Variants in NCOA3 observed in about 807,000 individuals in gnomAD.
NCOA3 encodes CBP-interacting protein.
Under a neutral mutation model 158.8 loss-of-function variants are expected in NCOA3, and 51 were observed. The observed-to-expected ratio is 0.32, with a 90% confidence interval of 0.26 to 0.41. NCOA3 has a LOEUF of 0.41. NCOA3 is among the 10% of genes least tolerant of loss of function. NCOA3 has a pLI of 1.00. For synonymous variants in NCOA3, 537 were observed against 592.4 expected (o/e 0.91, Z 1.36); for missense variants, 1,510 against 1,746.6 (o/e 0.86, Z 2.41).
At chr20:47,624,222 T>G (rs2086286218) in intron 4 of NCOA3, 139 bp downstream of exon 4, 2 of 639,828 alleles carry the variant, frequency 3.1e-6, no homozygotes, top group African/African-American at 3.7e-5. Flanking sequence ...ACATTACGTT[T>G]GTGGTGCATT....
At position 47,639,697 on chromosome 20, in the gene NCOA3, G is replaced by A. The variant is rs1602528330; in HGVS notation, c.2828G>A (p.Gly943Glu). The A allele has an allele frequency of 6.2e-7, 1 of 1,614,130 alleles. No individual in the cohort carries two copies. The highest frequency in any genetic ancestry group is 8.5e-7 in the Non-Finnish European group (1 of 1,180,012). ...TCAAACTCCATGGGAAGACCAGGAGGAGATTATAATACTTCTTTACCCAGA... is the reference window on the plus strand; with the variant it reads ...TCAAACTCCATGGGAAGACCAGGAGAAGATTATAATACTTCTTTACCCAGA... ...MNSNSMGRPG[G>E]DYNTSLPRPA... The change falls in exon 15 of 23, where the codon GGA (glycine) becomes GAA (glutamate). Residue 943 changes from glycine to glutamate, a missense_variant. By Grantham distance (98) the Gly-to-Glu change is moderately conservative. This residue lies in a region of NCOA3 where 1,017 missense variants were observed against 1,098.3 expected (regional missense o/e 0.93). Transcript: ENST00000371998.
intron 1 of NCOA3, among the ~76,000 whole-genome samples, chr20:47,540,404 C>T (rs2084703441): frequency 6.6e-6 from 1 of 151,946 alleles, no homozygotes; most frequent in African/African-American, 2.4e-5. Flanking sequence ...TGAAACCCCC[C>T]TCTACTAAAA....
chr20:47,546,548 TA>T (rs1487403588), intron 1 of NCOA3, among the ~76,000 whole-genome samples: 10 of 145,796 alleles, frequency 6.9e-5, no homozygotes, highest in Non-Finnish European at 1.2e-4. Flanking sequence ...TTTTTTTTTT[TA>T]AGACCGAATT....
chr20:47,621,497 C>G (rs1009659106), intron 2 of NCOA3, among the ~76,000 whole-genome samples: 1 of 151,898 alleles, frequency 6.6e-6, no homozygotes, highest in African/African-American at 2.4e-5. Flanking sequence ...CAACAGTGAT[C>G]GTCTTGTTTT....
rs544426722 is a variant in NCOA3, at chr20:47,538,821, G to A, written c.-99+36802G>A. On this transcript the variant is annotated intron_variant, in intron 1 of 22. Transcript: ENST00000371998. ...GGCCTCCCAAAGTGTTGGGATTTCA[G>A]GCGTAAGCCACTGTGCCCAGCCACT... is the stretch of plus-strand genomic sequence containing the variant. Among the ~76,000 whole-genome samples the A allele has an allele frequency of 5.9e-5, 9 of 152,334 alleles. No individual in the cohort carries two copies. The South Asian group carries it at 1.4e-3, about 25-fold the overall frequency.
At chr20:47,604,519 A>G (rs1372704205) in intron 2 of NCOA3, among the ~76,000 whole-genome samples, 1 of 152,196 alleles carries the variant, frequency 6.6e-6, no homozygotes, top group Non-Finnish European at 1.5e-5. Flanking sequence ...TATCTTTTCA[A>G]ATTATTTATA....
In NCOA3 at chr20:47,636,482, C is replaced by T; in HGVS notation, c.2096C>T (p.Ala699Val). The T allele has an allele frequency of 6.2e-7, 1 of 1,614,080 alleles. No individual in the cohort carries two copies. The highest frequency in any genetic ancestry group is 8.5e-7 in the Non-Finnish European group (1 of 1,180,028). ...AATGGGAATTCACCAGCTGAGGTAG[C>T]CAAGATTACTGCAGAAGCCACTGGG... ...LQNGNSPAEV[A>V]KITAEATGKD... Residue 699 changes from alanine to valine, a missense_variant, in exon 12 of 23, where the codon GCC (alanine) becomes GTC (valine). By Grantham distance (64) the Ala-to-Val change is moderately conservative. Transcript: ENST00000371998.
chr20:47,511,524 GATAT>G (rs34123990), intron 1 of NCOA3, among the ~76,000 whole-genome samples: 2,243 of 21,994 alleles, frequency 0.1, 182 homozygotes, highest in South Asian at 0.24. Context: ...TCTCTCTCGA[GATAT>G]ATATATATAT....
chr20:47,644,801 G>A (rs539195087), intron 17 of NCOA3, among the ~76,000 whole-genome samples: 1 of 151,626 alleles, frequency 6.6e-6, no homozygotes, highest in South Asian at 2.1e-4. Flanking sequence ...GTGTTCAAGC[G>A]ATTCTCCTGC....
chr20:47,639,534 C>CATTAT, intron 14 of NCOA3, 43 bp from the exon 15 acceptor site: 1 of 1,604,878 alleles, frequency 6.2e-7, no homozygotes. Flanking sequence ...AGAAGGATTT[C>CATTAT]ATTATAATAT....
At chr20:47,638,907 GA>G in intron 13 of NCOA3, 100 bp from the exon 14 acceptor site, 1 of 966,964 alleles carries the variant, frequency 1.0e-6, no homozygotes. Context: ...GTTTTTGTAA[GA>G]AAGACATTCT....
intron 1 of NCOA3, among the ~76,000 whole-genome samples, chr20:47,509,832 A>G (rs1243528904): frequency 1.3e-5 from 2 of 152,014 alleles, no homozygotes; most frequent in Admixed American, 6.6e-5. Context: ...TCTACTACAC[A>G]CTCTGTGTTC....
intron 17 of NCOA3, 98 bp downstream of exon 17, chr20:47,642,482 C>T: frequency 1.3e-6 from 1 of 747,382 alleles, no homozygotes; most frequent in Non-Finnish European, 1.9e-6. Context: ...GTGTGTGTCT[C>T]TCCTAGTACT....
chr20:47,580,626 C>G (rs943218704), intron 1 of NCOA3, among the ~76,000 whole-genome samples: 1 of 151,946 alleles, frequency 6.6e-6, no homozygotes, highest in African/African-American at 2.4e-5. Flanking sequence ...CTAACCCCAC[C>G]CCATGACCCT....
In NCOA3 at chr20:47,651,432, AT is replaced by A. The variant is rs563654076; in HGVS notation, c.3946+157del. Reference sequence around the variant, plus strand: ...TAATTTAAATGATTGGAAAACAAAAATGCTGCAGCACACAGGTAATTGAGAC... The same window carrying A: ...TAATTTAAATGATTGGAAAACAAAAAGCTGCAGCACACAGGTAATTGAGAC... On this transcript the variant is annotated intron_variant, in intron 20 of 22. Coordinates refer to ENST00000371998, the MANE Select transcript of NCOA3 (RefSeq NM_181659.3). Among the ~76,000 whole-genome samples, 11 of 152,318 alleles carry A rather than the reference AT, an allele frequency of 7.2e-5. No homozygotes were observed. The East Asian group carries it at 1.9e-3, about 27-fold the overall frequency.
chr20:47,617,391 T>TCTCA (rs1184777819), intron 2 of NCOA3, among the ~76,000 whole-genome samples: 1 of 152,344 alleles, frequency 6.6e-6, no homozygotes, highest in East Asian at 1.9e-4. Flanking sequence ...TGTAAGCTAG[T>TCTCA]CTCAGGTAGT....
intron 1 of NCOA3, among the ~76,000 whole-genome samples, chr20:47,582,129 C>G (rs1349378095): frequency 3.9e-5 from 6 of 152,204 alleles, no homozygotes; most frequent in Admixed American, 3.9e-4. Flanking sequence ...ACCACCTCCA[C>G]TTTGCATTAT....
chr20:47,573,917 C>T (rs956947487), intron 1 of NCOA3, among the ~76,000 whole-genome samples: 2 of 152,198 alleles, frequency 1.3e-5, no homozygotes, highest in East Asian at 3.9e-4. Flanking sequence ...CAGAATGCTC[C>T]GTGGCCATTA....
intron 1 of NCOA3, among the ~76,000 whole-genome samples, chr20:47,512,590 C>T (rs1248885171): frequency 7.2e-6 from 1 of 138,058 alleles, no homozygotes; most frequent in Non-Finnish European, 1.6e-5. Flanking sequence ...AAAAAAAAAA[C>T]ACAAAAGATA....
Sources: gnomAD v4.1 joint callset for allele counts (sites outside exome capture counted in the v4.1 genomes callset) on GRCh38, gnomAD v4.1.1 for gene constraint, gnomAD v4.1.1 regional missense constraint, MANE v1.5 for transcripts, NCBI Gene and HGNC (gene_info 2026-07-23, HGNC 2026-07-21) for gene names.